SEC14L1: variants seen among roughly 807,000 people sequenced by gnomAD.
SEC14L1 encodes the protein SEC14-like protein 1.
SEC14L1 carries 48 observed loss-of-function variants against 85.3 expected under a neutral mutation model. The observed-to-expected ratio is 0.56, with a 90% CI of 0.45 to 0.72. The LOEUF is 0.72. Ranked by LOEUF, SEC14L1 falls within the 30% of genes least tolerant of loss-of-function variation. SEC14L1 has a pLI of 0.00. For synonymous variants in SEC14L1, 391 were observed against 355.5 expected (o/e 1.10, Z -1.12); for missense variants, 682 against 921.4 (o/e 0.74, Z 3.36).
At chr17:77,141,242 G>C (rs1419394144) in intron 1 of SEC14L1, 135 bp downstream of exon 1, 1 of 144,186 alleles carries the variant, frequency 6.9e-6, no homozygotes, top group South Asian at 2.2e-4. Context: ...CCCAGCCCCG[G>C]CTGCCATCGG....
chr17:77,104,365 C>T (rs1971855443), intron 3 of SEC14L1, among the ~76,000 whole-genome samples: 1 of 149,588 alleles, frequency 6.7e-6, no homozygotes, highest in Non-Finnish European at 1.5e-5. Context: ...TCATGATCCA[C>T]CCGCCTCAGC....
chr17:77,106,523 C>G (rs1185802240), intron 3 of SEC14L1, among the ~76,000 whole-genome samples: 1 of 151,864 alleles, frequency 6.6e-6, no homozygotes, highest in Non-Finnish European at 1.5e-5. Flanking sequence ...CAGAGTGAGA[C>G]TTTATCTCAA....
In SEC14L1 at chr17:77,196,081, TC is replaced by T. The variant is rs955718727; in HGVS notation, c.710-120del. On this transcript the variant is annotated intron_variant, in intron 7 of 16. Transcript: ENST00000436233. ...AGGAATCTGGTTTACATCTGCCATC[TC>T]TGCGGTTTCATGTGCCTCTAGGACT... 8.7e-6 allele frequency: 6 copies of T among 687,992 alleles called. No individual in the cohort carries two copies. The African/African-American group carries it at 1.1e-4, about 12-fold the overall frequency. 42.6% of individuals were successfully genotyped at this position (687,992 alleles called of 1,614,324 possible).
At chr17:77,096,492 G>T (rs988908278) in intron 3 of SEC14L1, among the ~76,000 whole-genome samples, 1 of 151,992 alleles carries the variant, frequency 6.6e-6, no homozygotes. Context: ...GGGAGGCAGC[G>T]GTTGCAGTGA....
intron 9 of SEC14L1, among the ~76,000 whole-genome samples, chr17:77,202,153 T>C (rs1318087082): frequency 6.6e-6 from 1 of 152,124 alleles, no homozygotes; most frequent in African/African-American, 2.4e-5. Flanking sequence ...GGAGTTAGGC[T>C]CCTCTCAGGC....
At chr17:77,101,737 C>A (rs1253865495) in intron 3 of SEC14L1, among the ~76,000 whole-genome samples, 1 of 152,178 alleles carries the variant, frequency 6.6e-6, no homozygotes, top group Non-Finnish European at 1.5e-5. Context: ...GTCTGAGGAC[C>A]ACTCGGTCCT....
chr17:77,167,415 A>G (rs1974334044), intron 3 of SEC14L1, among the ~76,000 whole-genome samples: 1 of 152,164 alleles, frequency 6.6e-6, no homozygotes, highest in South Asian at 2.1e-4. Flanking sequence ...AATTACAGAC[A>G]TGAGCCACTG....
At chr17:77,098,066 A>G (rs2678771) in intron 3 of SEC14L1, among the ~76,000 whole-genome samples, 27,341 of 152,154 alleles carry the variant, frequency 0.18, 2,863 homozygotes, top group East Asian at 0.34. Flanking sequence ...GGCTGAGGCC[A>G]GATCTCATGG....
Position 77,196,329 on chromosome 17 carries a change from AC to A in SEC14L1, c.819+21del. The A allele has an allele frequency of 6.8e-7, 1 of 1,478,828 alleles. No individual in the cohort carries two copies. The highest frequency in any genetic ancestry group is 9.4e-7 in the Non-Finnish European group (1 of 1,058,384). 91.6% of individuals were successfully genotyped at this position (1,478,828 alleles called of 1,614,324 possible). A position where few individuals can be genotyped will look rare whatever the true frequency, so the allele number is the denominator to read the frequency against. ...AGGGCAAAGTGAGTGTCAGCACCAC[AC>A]CCAGTGTGCAGGGCCAGAGCTACGT... is the stretch of plus-strand genomic sequence containing the variant. On this transcript the variant is annotated intron_variant, in intron 8 of 16. Coordinates refer to ENST00000436233, the MANE Select transcript of SEC14L1 (RefSeq NM_001143998.2).
At position 77,206,329 on chromosome 17, in the gene SEC14L1, A is replaced by C. The variant is rs1228530434; in HGVS notation, c.1270A>C (p.Asn424His). 1 of 1,614,104 alleles carries C rather than the reference A, an allele frequency of 6.2e-7. No individual in the cohort carries two copies. Among genetic ancestry groups the C allele is most frequent in the Non-Finnish European group, 8.5e-7 (1 of 1,180,022 alleles). The change falls in exon 12 of 17, where the codon AAC (asparagine) becomes CAC (histidine). Residue 424 changes from asparagine (N) to histidine (H), a missense_variant. This residue lies in a region of SEC14L1 where 420 missense variants were observed against 619.5 expected (regional missense o/e 0.68). Transcript: ENST00000436233. This position sits in a 1 kb window ranked among gnomAD's most constrained non-coding sequence, Gnocchi z 4.3. The part of the protein sequence containing the change: ...LLRIIEVVEA[N>H]YPETLGRLLI... ...GCGGATCATCGAGGTGGTGGAGGCC[A>C]ACTACCCTGAGACACTGGGCCGCCT...
At chr17:77,194,961 G>A (rs137887774) in intron 7 of SEC14L1, 50 bp downstream of exon 7, 14,102 of 1,408,168 alleles carry the variant, frequency 0.01, 106 homozygotes, top group South Asian at 0.029. Context: ...GGAAGTCGGC[G>A]TTGCCGTTTT....
In SEC14L1 at chr17:77,196,300, C is replaced by T; in HGVS notation, c.808C>T (p.His270Tyr). ...ACTTCGCCAGTGGCTCCAGGAGACC[C>T]ACAAGGGCAAAGTGAGTGTCAGCAC... ...IRLRQWLQET[H>Y]KGKIPKDEHI... Residue 270 changes from histidine to tyrosine, a missense_variant, in exon 8 of 17, where the codon CAC becomes TAC. Transcript: ENST00000436233. The T allele has an allele frequency of 6.2e-7, 1 of 1,610,950 alleles. No homozygotes were observed. Among genetic ancestry groups the T allele is most frequent in the Non-Finnish European group, 8.5e-7 (1 of 1,177,270 alleles).
chr17:77,185,182 A>G, intron 3 of SEC14L1: 1 of 984,688 alleles, frequency 1.0e-6, no homozygotes, highest in Non-Finnish European at 1.2e-6. Context: ...CGTTCTCCTG[A>G]GGATAAAAAG....
intron 1 of SEC14L1, chr17:77,141,654 C>T (rs1041653771): frequency 2.6e-5 from 4 of 152,246 alleles, no homozygotes; most frequent in Admixed American, 2.6e-4. Context: ...GGGCGTTTAT[C>T]TGGACCAGAG....
At chr17:77,101,223 T>TG (rs1971770656) in intron 3 of SEC14L1, among the ~76,000 whole-genome samples, 1 of 152,120 alleles carries the variant, frequency 6.6e-6, no homozygotes, top group Non-Finnish European at 1.5e-5. Context: ...GTTGCTCTGT[T>TG]GCCCAGGCTG....
intron 13 of SEC14L1, 147 bp downstream of exon 13, chr17:77,207,009 C>G (rs979467478): frequency 5.0e-6 from 4 of 794,074 alleles, no homozygotes; most frequent in Admixed American, 3.3e-5. Context: ...TTTCTCTGAT[C>G]CAGGGTTAAG....
At chr17:77,122,673 G>A (rs1972330793) in intron 3 of SEC14L1, among the ~76,000 whole-genome samples, 1 of 152,204 alleles carries the variant, frequency 6.6e-6, no homozygotes, top group African/African-American at 2.4e-5. Context: ...CTCGTTGCTT[G>A]TAGCTGCCAC....
chr17:77,105,416 A>T (rs1393886540), intron 3 of SEC14L1, among the ~76,000 whole-genome samples: 1 of 118,810 alleles, frequency 8.4e-6, no homozygotes, highest in Non-Finnish European at 1.6e-5. Context: ...AGGAGGTCCC[A>T]TTTGCAAAGT....
At chr17:77,093,479 T>G (rs1971565577) in intron 3 of SEC14L1, 1 of 152,194 alleles carries the variant, frequency 6.6e-6, no homozygotes, top group South Asian at 2.1e-4. Context: ...GCCGGCCATG[T>G]GTCTGAGTGT....
Sources: allele counts gnomAD v4.1 joint callset (sites outside exome capture counted in the v4.1 genomes callset), GRCh38; gene constraint gnomAD v4.1.1; regional missense constraint gnomAD v4.1.1; non-coding constraint Gnocchi (gnomAD v3.1); transcripts MANE v1.5; gene names NCBI Gene and HGNC (gene_info 2026-07-23, HGNC 2026-07-21).